Variants in HEXB observed in about 807,000 individuals in gnomAD.
The protein encoded by HEXB is hexosaminidase subunit beta, also known as beta-hexosaminidase subunit beta.
HEXB carries 51 observed loss-of-function variants against 71.2 expected under a neutral mutation model. The observed-to-expected ratio is 0.72, with a 90% confidence interval of 0.57 to 0.90. The LOEUF is 0.90. Ranked by LOEUF, HEXB falls within the 40% of genes least tolerant of loss-of-function variation. The probability of loss-of-function intolerance (pLI) is 0.00; values close to 1 mark genes in which losing one functional copy is unlikely to be tolerated. For missense variants in HEXB, 617 were observed against 677.0 expected (o/e 0.91, Z 0.98); for synonymous variants, 266 against 249.3 (o/e 1.07, Z -0.63).
chr5:74,660,922 C>T (rs552476071), intron 1 of HEXB, among the ~76,000 whole-genome samples: 2 of 151,988 alleles, frequency 1.3e-5, no homozygotes, highest in Admixed American at 6.6e-5. Flanking sequence ...AAGATCAACT[C>T]GAGAAAGCAA....
At chr5:74,709,997 T>C (rs1749499483) in intron 6 of HEXB, among the ~76,000 whole-genome samples, 3 of 134,752 alleles carry the variant, frequency 2.2e-5, no homozygotes, top group African/African-American at 3.5e-5. Context: ...AAGAGAATTT[T>C]AGACCAATAT....
chr5:74,671,599 G>A (rs1748540919), intron 1 of HEXB, among the ~76,000 whole-genome samples: 1 of 152,140 alleles, frequency 6.6e-6, no homozygotes, highest in African/African-American at 2.4e-5. Flanking sequence ...TGATGGGTAT[G>A]TCCAATATCT....
At chr5:74,649,767 T>C (rs760506907) in intron 1 of HEXB, among the ~76,000 whole-genome samples, 6 of 152,270 alleles carry the variant, frequency 3.9e-5, no homozygotes, top group Non-Finnish European at 5.9e-5. Flanking sequence ...GTTGATTGAA[T>C]GTCTTACCAG....
chr5:74,685,014 T>C (rs1748822073), upstream of HEXB: 1 of 498,644 alleles, frequency 2.0e-6, no homozygotes, highest in African/African-American at 2.1e-5. Context: ...CATCCCGTGT[T>C]TGAGGTTGCT....
chr5:74,703,927 C>G (rs1749319903), intron 5 of HEXB, among the ~76,000 whole-genome samples: 2 of 152,202 alleles, frequency 1.3e-5, no homozygotes, highest in African/African-American at 4.8e-5. Context: ...GATCTTCCTG[C>G]CTCAGCCTTC....
intron 1 of HEXB, among the ~76,000 whole-genome samples, chr5:74,646,258 T>G (rs774808515): frequency 6.6e-6 from 1 of 152,222 alleles, no homozygotes; most frequent in Non-Finnish European, 1.5e-5. Context: ...TCTTGAAACC[T>G]GTAGATATTT....
At chr5:74,669,025 A>G (rs1281746537) in intron 1 of HEXB, among the ~76,000 whole-genome samples, 2 of 152,090 alleles carry the variant, frequency 1.3e-5, no homozygotes, top group Non-Finnish European at 2.9e-5. Context: ...TCAACAGCAC[A>G]ATCTCGGCTC....
At chr5:74,653,651 A>G (rs75827916) in intron 1 of HEXB, among the ~76,000 whole-genome samples, 3 of 152,192 alleles carry the variant, frequency 2.0e-5, no homozygotes, top group Non-Finnish European at 4.4e-5. Flanking sequence ...TTGATGTCAT[A>G]GTTACTTTTG....
intron 1 of HEXB, among the ~76,000 whole-genome samples, chr5:74,688,636 G>C (rs566233773): frequency 6.6e-6 from 1 of 152,146 alleles, no homozygotes; most frequent in Non-Finnish European, 1.5e-5. Context: ...AGCCACTGCA[G>C]CTGGCCAACA....
intron 1 of HEXB, among the ~76,000 whole-genome samples, chr5:74,688,056 A>G (rs1201350422): frequency 1.3e-5 from 2 of 152,242 alleles, no homozygotes; most frequent in Admixed American, 6.5e-5. Context: ...TACCAAAAAC[A>G]ATTGCTCTGA....
chr5:74,671,182 G>T (rs1246301645), intron 1 of HEXB, among the ~76,000 whole-genome samples: 2 of 152,128 alleles, frequency 1.3e-5, no homozygotes, highest in African/African-American at 4.8e-5. Flanking sequence ...GCAACAAAGT[G>T]TTCCAAGACC....
intron 1 of HEXB, among the ~76,000 whole-genome samples, chr5:74,686,495 A>C (rs1748877208): frequency 6.6e-6 from 1 of 152,214 alleles, no homozygotes; most frequent in African/African-American, 2.4e-5. Flanking sequence ...GTGTGCTTGC[A>C]GGACCCTGAA....
Position 74,641,846 on chromosome 5 carries a change from C to G in HEXB, c.-377+1288C>G, listed in dbSNP as rs1171093539. 6.6e-6 allele frequency among the ~76,000 whole-genome samples: 1 copy of G among 152,182 alleles called. No homozygotes were observed. The highest frequency in any genetic ancestry group is 1.5e-5 in the Non-Finnish European group (1 of 68,032). Reference sequence around the variant, plus strand: ...AACGGGATAGATGACCGGTCCAGCCCCCTTGTTTTACAGGTGGGGAACCGA... The same window carrying G: ...AACGGGATAGATGACCGGTCCAGCCGCCTTGTTTTACAGGTGGGGAACCGA... On this transcript the variant is annotated intron_variant, in intron 1 of 13. Coordinates refer to the HEXB transcript ENST00000511181. The surrounding 1 kb of genome is among the most constrained non-coding windows in gnomAD (Gnocchi z 4.1).
At chr5:74,708,165 C>A (rs1355508281) in intron 6 of HEXB, among the ~76,000 whole-genome samples, 1 of 151,624 alleles carries the variant, frequency 6.6e-6, no homozygotes, top group Non-Finnish European at 1.5e-5. Context: ...AATTTTCAAC[C>A]CAGAATTTCA....
In HEXB at chr5:74,674,582, A is replaced by T. The variant is rs1221785254; in HGVS notation, c.-376-14746A>T. On this transcript the variant is annotated intron_variant, in intron 1 of 13. Coordinates refer to the HEXB transcript ENST00000511181. ...TTGCGCCACTGCACTCCAGTCTGGG[A>T]GACAGAGCAAGACTCTGTCTCAGAA... 2.1e-5 allele frequency among the ~76,000 whole-genome samples: 3 copies of T among 145,942 alleles called. No individual in the cohort carries two copies. The Admixed American group carries it at 2.1e-4, about 10-fold the overall frequency.
upstream of HEXB, among the ~76,000 whole-genome samples, chr5:74,682,478 A>G (rs1748757865): frequency 6.6e-6 from 1 of 152,196 alleles, no homozygotes; most frequent in African/African-American, 2.4e-5. Context: ...CCCAGCTAAG[A>G]CTCCTAAATT....
rs1406193046 is a variant in HEXB, at chr5:74,656,341, T to TG, written c.-377+15785dup. 2.6e-5 allele frequency among the ~76,000 whole-genome samples: 4 copies of TG among 151,856 alleles called. No individual in the cohort carries two copies. In the East Asian group the frequency reaches 7.8e-4, roughly 30 times the overall value. ...TAAAAATACAGAAATTAGCTGGGTGTGGTGGTGGGCACCTGTAATCCCAGC... is the reference window on the plus strand; with the variant it reads ...TAAAAATACAGAAATTAGCTGGGTGTGGGTGGTGGGCACCTGTAATCCCAGC... On this transcript the variant is annotated intron_variant, in intron 1 of 13. Transcript: ENST00000511181.
At chr5:74,647,957 G>A (rs1396350246) in intron 1 of HEXB, among the ~76,000 whole-genome samples, 1 of 152,180 alleles carries the variant, frequency 6.6e-6, no homozygotes, top group Non-Finnish European at 1.5e-5. Context: ...TGCCATCAGT[G>A]TACTTGTATT....
At chr5:74,678,920 A>G (rs770934257) in intron 1 of HEXB, among the ~76,000 whole-genome samples, 1 of 152,236 alleles carries the variant, frequency 6.6e-6, no homozygotes, top group Non-Finnish European at 1.5e-5. Context: ...TATTTTATTC[A>G]ATTTCACAAG....
Sources: gnomAD v4.1 joint callset for allele counts (sites outside exome capture counted in the v4.1 genomes callset) on GRCh38, gnomAD v4.1.1 for gene constraint, Gnocchi (gnomAD v3.1) non-coding constraint, MANE v1.5 for transcripts, NCBI Gene and HGNC (gene_info 2026-07-23, HGNC 2026-07-21) for gene names.